GSTZ1: variants seen among roughly 807,000 people sequenced by gnomAD.
GSTZ1 encodes glutathione S-transferase zeta 1, also known as maleylacetoacetate isomerase.
A neutral mutation model predicts 35.9 loss-of-function variants in GSTZ1; 34 were observed. The observed-to-expected ratio is 0.95, with a 90% CI of 0.72 to 1.26. The LOEUF is 1.26. GSTZ1 is among the 50% of genes most tolerant of loss of function. The pLI is 0.00. For synonymous variants in GSTZ1, 93 were observed against 101.2 expected, an observed-to-expected ratio of 0.92 and a Z score of 0.49; for missense variants, 263 against 271.7, an observed-to-expected ratio of 0.97 and a Z score of 0.23.
chr14:77,321,539 GCTCTT>G (rs975519374), intron 1 of GSTZ1: 45 of 1,298,588 alleles, frequency 3.5e-5, no homozygotes, highest in Non-Finnish European at 4.4e-5. Context: ...AGCCCTTCAT[GCTCTT>G]CTCTTGGCCC....
At chr14:77,322,635 G>A (rs1892082520) in intron 1 of GSTZ1, 1 of 985,048 alleles carries the variant, frequency 1.0e-6, no homozygotes, top group Non-Finnish European at 1.2e-6. Flanking sequence ...AAATAAGGAA[G>A]ATCCAGTTGT....
intron 7 of GSTZ1, 63 bp from the exon 8 acceptor site, chr14:77,330,247 C>A (rs752083532): frequency 8.6e-7 from 1 of 1,156,944 alleles, no homozygotes. Context: ...AGTGGACACA[C>A]CCAGTCCAGC....
At chr14:77,324,750 T>G (rs1892222678) in intron 1 of GSTZ1, 120 bp from the exon 2 acceptor site, 1 of 1,183,646 alleles carries the variant, frequency 8.4e-7, no homozygotes, top group Non-Finnish European at 1.2e-6. Flanking sequence ...CTGCCCTGAT[T>G]TGCACAGATG....
intron 4 of GSTZ1, 101 bp from the exon 5 acceptor site, chr14:77,327,811 T>C: frequency 8.7e-7 from 1 of 1,152,620 alleles, no homozygotes. Flanking sequence ...AGAGGTGTAG[T>C]GATGGTGCTG....
At chr14:77,322,008 C>T (rs1892033186) in intron 1 of GSTZ1, among the ~76,000 whole-genome samples, 1 of 152,078 alleles carries the variant, frequency 6.6e-6, no homozygotes, top group African/African-American at 2.4e-5. Context: ...TCTGGTGGAA[C>T]GGGCTCGAGA....
chr14:77,331,342 T>G lies in GSTZ1; in HGVS notation c.*147T>G. 1.1e-6 allele frequency: 1 copy of G among 879,928 alleles called. No individual in the cohort carries two copies. The allele number at this position is 879,928 out of a possible 1,614,324, so 54.5% of individuals were successfully genotyped here. On this transcript the variant is annotated 3_prime_UTR_variant, in exon 9 of 9. Coordinates refer to ENST00000216465, the MANE Select transcript of GSTZ1 (RefSeq NM_145870.3). ...CCTTCCTGCTGAAACTTGTTCCACC[T>G]CAGTCCCCTCATCTGTCACACGCAT...
chr14:77,327,625 C>A, intron 4 of GSTZ1, 73 bp downstream of exon 4: 1 of 1,003,426 alleles, frequency 1.0e-6, no homozygotes, highest in South Asian at 1.4e-5. Flanking sequence ...ATCTCTTCCT[C>A]GCCTGTGTAC....
chr14:77,327,555 G>C lies in GSTZ1; in HGVS notation c.216+3G>C, dbSNP rs1296804413. On this transcript the variant is annotated splice_donor_region_variant and intron_variant, in intron 4 of 8. Transcript: ENST00000216465. ...ATGGAATCACCATTCACCAGTCAGT[G>C]AGTGCAGGGCCTGGGGGAGGGCCCT... The C allele has an allele frequency of 1.3e-6, 2 of 1,592,842 alleles. No individual in the cohort carries two copies. The highest frequency in any genetic ancestry group is 1.1e-5 in the South Asian group (1 of 89,064).
chr14:77,328,842 G>A lies in GSTZ1; in HGVS notation c.343-281G>A, dbSNP rs531968780. ...GGGCACACCTGCCACAGCCATGGCC[G>A]CGTCCTGTGTCACATGAATAGGGAT... On this transcript the variant is annotated intron_variant, in intron 5 of 8. Transcript: ENST00000216465. 1.5e-3 allele frequency: 739 copies of A among 481,368 alleles called. 5 individuals are homozygous for A. The highest frequency in any genetic ancestry group is 2.3e-3 in the Non-Finnish European group (595 of 261,968). The allele number at this position is 481,368 out of a possible 1,614,324, so 29.8% of individuals were successfully genotyped here.
intron 1 of GSTZ1, 130 bp downstream of exon 1, chr14:77,321,313 G>T (rs1173938288): frequency 1.3e-6 from 2 of 1,527,284 alleles, no homozygotes; most frequent in South Asian, 1.2e-5. Flanking sequence ...CTTTGCGCCG[G>T]GCACGCTCTG....
chr14:77,324,651 C>T (rs1892214101), intron 1 of GSTZ1: 5 of 1,483,870 alleles, frequency 3.4e-6, no homozygotes, highest in Non-Finnish European at 4.5e-6. Flanking sequence ...GGCTAGCTGC[C>T]CCTTTGGGGG....
intron 1 of GSTZ1, chr14:77,322,467 G>T: frequency 3.0e-6 from 1 of 332,568 alleles, no homozygotes; most frequent in South Asian, 1.2e-4. Context: ...AGATCCAAAG[G>T]TGTAATCCAA....
chr14:77,327,117 C>T, intron 3 of GSTZ1: 1 of 599,918 alleles, frequency 1.7e-6, no homozygotes, highest in Middle Eastern at 4.4e-4. Context: ...GACTGTGTAC[C>T]CTAGCCTGGG....
Position 77,331,545 on chromosome 14 carries a change from A to G in GSTZ1, c.*350A>G, listed in dbSNP as rs549776590. On this transcript the variant is annotated 3_prime_UTR_variant, in exon 9 of 9. Transcript: ENST00000216465. ...TCCGCTTTTGTTGTGTGTGACTCCA[A>G]AGAATGCCCGCGCTGAAATTTGGCG... The G allele has an allele frequency of 1.4e-3, 289 of 207,634 alleles. 1 individual carries two copies. The highest frequency in any genetic ancestry group is 3.2e-3 in the Admixed American group (59 of 18,204). 12.9% of individuals were successfully genotyped at this position (207,634 alleles called of 1,614,324 possible).
chr14:77,324,141 G>GA lies in GSTZ1; in HGVS notation c.16-722dup, dbSNP rs920620855. 2.4e-4 allele frequency: 38 copies of GA among 160,772 alleles called. No individual in the cohort carries two copies. In the East Asian group the frequency reaches 3.2e-3, roughly 14 times the overall value. The allele number at this position is 160,772 out of a possible 1,614,324, so 10.0% of individuals were successfully genotyped here. A position where few individuals can be genotyped will look rare whatever the true frequency, so the allele number is the denominator to read the frequency against. On this transcript the variant is annotated intron_variant, in intron 1 of 8. Transcript: ENST00000216465. ...AGCGTAAGAAACTTCCTGCGAGTTGGAAAAAAATGCCTTTTTTTTTTTTTT... is the reference window on the plus strand; with the variant it reads ...AGCGTAAGAAACTTCCTGCGAGTTGGAAAAAAAATGCCTTTTTTTTTTTTTT...
chr14:77,331,271 G>A lies in GSTZ1; in HGVS notation c.*76G>A. Reference sequence around the variant, plus strand: ...GGGCTGAAGAGGCCTGGAAACGAGAGTCTTAATTGAGGAGATGGGAGACTC... The same window carrying A: ...GGGCTGAAGAGGCCTGGAAACGAGAATCTTAATTGAGGAGATGGGAGACTC... On this transcript the variant is annotated 3_prime_UTR_variant, in exon 9 of 9. Transcript: ENST00000216465. 1 of 1,505,656 alleles carries A rather than the reference G, an allele frequency of 6.6e-7. No homozygotes were observed. The highest frequency in any genetic ancestry group is 8.9e-7 in the Non-Finnish European group (1 of 1,117,404). 93.3% of individuals were successfully genotyped at this position (1,505,656 alleles called of 1,614,324 possible).
In GSTZ1 at chr14:77,331,256, G is replaced by A; in HGVS notation, c.*61G>A. 1.3e-6 allele frequency: 2 copies of A among 1,556,772 alleles called. No homozygotes were observed. The highest frequency in any genetic ancestry group is 2.3e-5 in the South Asian group (2 of 86,504). The stretch of plus-strand genomic sequence containing the variant: ...GAGCAGAAGCTGGGTGGGCTGAAGA[G>A]GCCTGGAAACGAGAGTCTTAATTGA... On this transcript the variant is annotated 3_prime_UTR_variant, in exon 9 of 9. Coordinates refer to ENST00000216465, the MANE Select transcript of GSTZ1 (RefSeq NM_145870.3).
At chr14:77,326,997 A>C (rs1892353060) in intron 3 of GSTZ1, 92 bp downstream of exon 3, 2 of 866,190 alleles carry the variant, frequency 2.3e-6, no homozygotes, top group African/African-American at 1.7e-5. Flanking sequence ...GCCCCAGAGA[A>C]GTGAACCTGT....
chr14:77,331,175 C>G lies in GSTZ1; in HGVS notation c.631C>G (p.Pro211Ala). Residue 211 changes from proline to alanine, a missense_variant, in exon 9 of 9, where the codon CCC becomes GCC. By Grantham distance (27) the Pro-to-Ala change is conservative. Coordinates refer to ENST00000216465, the MANE Select transcript of GSTZ1 (RefSeq NM_145870.3). ...TCACCCCTGCCGGCAGCCAGATACA[C>G]CCACTGAGCTGAGGGCCTAGCTCCC... Reference protein sequence around the residue: ...VSHPCRQPDTPTELRA With the variant: ...VSHPCRQPDTATELRA 1 of 1,613,914 alleles carries G rather than the reference C, an allele frequency of 6.2e-7. No individual in the cohort carries two copies. Among genetic ancestry groups the G allele is most frequent in the Non-Finnish European group, 8.5e-7 (1 of 1,179,884 alleles).
Sources: allele counts gnomAD v4.1 joint callset (sites outside exome capture counted in the v4.1 genomes callset), GRCh38; gene constraint gnomAD v4.1.1; transcripts MANE v1.5; gene names NCBI Gene and HGNC (gene_info 2026-07-23, HGNC 2026-07-21).